Variants in SUGCT observed in about 807,000 individuals in gnomAD.
SUGCT encodes succinyl-CoA:glutarate CoA-transferase.
Under a neutral mutation model 55.0 loss-of-function variants are expected in SUGCT, and 41 were observed. That is an observed-to-expected ratio of 0.74 (90% CI 0.58 to 0.97). The LOEUF (loss-of-function observed/expected upper bound fraction) is 0.97. SUGCT is among the 50% of genes least tolerant of loss of function. SUGCT has a pLI of 0.00. For missense variants in SUGCT, 568 were observed against 547.8 expected, an observed-to-expected ratio of 1.04 and a Z score of -0.37; for synonymous variants, 187 against 200.4, an observed-to-expected ratio of 0.93 and a Z score of 0.56.
At chr7:40,987,811 C>A in the SUGCT span, among the ~76,000 whole-genome samples, 1 of 152,104 alleles carries the variant, frequency 6.6e-6, no homozygotes, top group African/African-American at 2.4e-5. Flanking sequence ...GAGCAGGAAC[C>A]ATTATTTGTC....
At chr7:40,315,604 G>A (rs777481626) in intron 8 of SUGCT, among the ~76,000 whole-genome samples, 2 of 152,210 alleles carry the variant, frequency 1.3e-5, no homozygotes, top group Non-Finnish European at 2.9e-5. Flanking sequence ...TCCAAGCTGA[G>A]TCCTGTTGAT....
chr7:40,378,045 G>A (rs1784690044), intron 9 of SUGCT, among the ~76,000 whole-genome samples: 1 of 152,020 alleles, frequency 6.6e-6, no homozygotes, highest in African/African-American at 2.4e-5. Flanking sequence ...GCTTTTGATT[G>A]TTTGGTTTAG....
intron 12 of SUGCT, among the ~76,000 whole-genome samples, chr7:40,636,172 C>T (rs1212030671): frequency 2.0e-5 from 3 of 152,182 alleles, no homozygotes; most frequent in Admixed American, 2.0e-4. Context: ...ATGAGGCCAG[C>T]TTGTCTCTGT....
At chr7:40,234,654 A>G (rs1340181945) in intron 6 of SUGCT, among the ~76,000 whole-genome samples, 2 of 152,140 alleles carry the variant, frequency 1.3e-5, no homozygotes, top group Non-Finnish European at 2.9e-5. Flanking sequence ...CTCATGCCCA[A>G]TCTCAGCACT....
chr7:40,316,064 T>C (rs116418515), intron 8 of SUGCT, among the ~76,000 whole-genome samples: 2,526 of 152,292 alleles, frequency 0.017, 59 homozygotes, highest in African/African-American at 0.058. Flanking sequence ...ACCCCTTTAA[T>C]AGATCGGCAG....
chr7:40,967,675 C>T, the SUGCT span, among the ~76,000 whole-genome samples: 2 of 150,804 alleles, frequency 1.3e-5, no homozygotes, highest in African/African-American at 4.9e-5. Context: ...GGCTGGAGTG[C>T]AGTGGTGCGA....
intron 6 of SUGCT, among the ~76,000 whole-genome samples, chr7:40,229,010 T>G (rs1000527839): frequency 6.6e-6 from 1 of 152,214 alleles, no homozygotes; most frequent in Non-Finnish European, 1.5e-5. Context: ...TAATTTTTGA[T>G]AGCTTCCTTG....
intron 1 of SUGCT, among the ~76,000 whole-genome samples, chr7:40,142,345 T>C (rs1788032620): frequency 6.6e-6 from 1 of 152,248 alleles, no homozygotes; most frequent in South Asian, 2.1e-4. Flanking sequence ...ATATCTAACA[T>C]TCTGTCCTCT....
At chr7:40,376,690 CCTAT>C (rs1253953989) in intron 9 of SUGCT, among the ~76,000 whole-genome samples, 1 of 151,914 alleles carries the variant, frequency 6.6e-6, no homozygotes, top group Non-Finnish European at 1.5e-5. Context: ...CTGTGCCTGG[CCTAT>C]CTAATATATC....
chr7:40,658,518 T>C (rs1403344321), intron 12 of SUGCT, among the ~76,000 whole-genome samples: 2 of 152,170 alleles, frequency 1.3e-5, no homozygotes, highest in East Asian at 1.9e-4. Context: ...TAGATCCTTA[T>C]CTGCGGGTCA....
At chr7:40,593,123 A>G (rs7786908) in intron 12 of SUGCT, among the ~76,000 whole-genome samples, 146,140 of 152,262 alleles carry the variant, frequency 0.96, 70,166 homozygotes, top group East Asian at 1. Flanking sequence ...TAAGAAGGTG[A>G]AGGCCAGTAA....
At chr7:41,006,455 T>A in the SUGCT span, among the ~76,000 whole-genome samples, 87 of 152,224 alleles carry the variant, frequency 5.7e-4, no homozygotes, top group African/African-American at 2.0e-3. Flanking sequence ...CCCTTTTTTT[T>A]ATAATGGAAA....
rs138014079 is a variant in SUGCT at position 40,819,063 on chromosome 7, C to G, written c.1154-41253C>G. On this transcript the variant is annotated intron_variant, in intron 13 of 13. Coordinates refer to ENST00000335693, the MANE Select transcript of SUGCT (RefSeq NM_001193313.2). Reference sequence around the variant, plus strand: ...CGAGAATGATGGTTTCCAGCTTCGTCCATGTCCCTACAAAGGACATGAAAT... The same window carrying G: ...CGAGAATGATGGTTTCCAGCTTCGTGCATGTCCCTACAAAGGACATGAAAT... 2.1e-4 allele frequency among the ~76,000 whole-genome samples: 32 copies of G among 152,108 alleles called. No homozygotes were observed. In the East Asian group the frequency reaches 6.2e-3, roughly 30 times the overall value.
At chr7:40,419,113 T>C (rs1402522421) in intron 9 of SUGCT, among the ~76,000 whole-genome samples, 4 of 152,172 alleles carry the variant, frequency 2.6e-5, no homozygotes, top group Admixed American at 6.5e-5. Flanking sequence ...ATAATAAAAA[T>C]ATGTGCTCAT....
intron 1 of SUGCT, among the ~76,000 whole-genome samples, chr7:40,161,154 A>G (rs17171663): frequency 0.064 from 9,780 of 152,188 alleles, 986 homozygotes; most frequent in African/African-American, 0.22. Flanking sequence ...CTGGGAGGAT[A>G]CCTTAGTCCA....
At chr7:40,591,562 C>T (rs1273046656) in intron 12 of SUGCT, among the ~76,000 whole-genome samples, 2 of 152,192 alleles carry the variant, frequency 1.3e-5, no homozygotes, top group African/African-American at 4.8e-5. Context: ...GAAAATTCTA[C>T]TGTGGGTAAA....
intron 10 of SUGCT, among the ~76,000 whole-genome samples, chr7:40,450,235 CTT>C (rs113379525): frequency 6.6e-6 from 1 of 151,294 alleles, no homozygotes; most frequent in Non-Finnish European, 1.5e-5. Flanking sequence ...GCCTACTAGA[CTT>C]TTTTTTTCTT....
chr7:40,265,504 T>C (rs978938523), intron 7 of SUGCT, among the ~76,000 whole-genome samples: 1 of 152,222 alleles, frequency 6.6e-6, no homozygotes, highest in African/African-American at 2.4e-5. Context: ...CTTTCTTTTT[T>C]CTTTCCCTGT....
At chr7:40,224,941 A>G (rs949724431) in intron 6 of SUGCT, among the ~76,000 whole-genome samples, 14 of 152,178 alleles carry the variant, frequency 9.2e-5, no homozygotes, top group East Asian at 1.9e-4. Context: ...AGGGGCATCC[A>G]CACTGCATTC....
Sources: allele counts gnomAD v4.1 joint callset (sites outside exome capture counted in the v4.1 genomes callset), GRCh38; gene constraint gnomAD v4.1.1; transcripts MANE v1.5; gene names NCBI Gene and HGNC (gene_info 2026-07-23, HGNC 2026-07-21).